Variants in WWOX observed in about 807,000 individuals in gnomAD.
WWOX encodes the protein WW domain-containing oxidoreductase.
Under a neutral mutation model 46.2 loss-of-function variants are expected in WWOX, and 69 were observed. The ratio of observed to expected loss-of-function variants is 1.49; its 90% confidence interval spans 1.23 to 1.82. The LOEUF (loss-of-function observed/expected upper bound fraction) is 1.82. Among genes scored for constraint, WWOX ranks in the 40% most tolerant of loss-of-function variants. WWOX has a pLI of 0.00. For synonymous variants in WWOX, 359 were observed against 202.6 expected, an observed-to-expected ratio of 1.77 and a Z score of -6.56; for missense variants, 919 against 542.6, an observed-to-expected ratio of 1.69 and a Z score of -6.89.
chr16:78,148,900 A>G, intron 4 of WWOX, among the ~76,000 whole-genome samples: 1 of 139,300 alleles, frequency 7.2e-6, no homozygotes, highest in Non-Finnish European at 1.5e-5. Context: ...TCCGTCTCAA[A>G]AAAAAAAAAA....
intron 8 of WWOX, among the ~76,000 whole-genome samples, chr16:78,565,030 G>A (rs1225728856): frequency 6.6e-6 from 1 of 152,162 alleles, no homozygotes; most frequent in East Asian, 1.9e-4. Flanking sequence ...CGAGAGAAGA[G>A]TACAAGCAGG....
chr16:78,381,097 C>A (rs1472799917), intron 5 of WWOX, among the ~76,000 whole-genome samples: 2 of 152,186 alleles, frequency 1.3e-5, no homozygotes, highest in African/African-American at 4.8e-5. Context: ...AGTTCCAGGG[C>A]AGCCTGGCTC....
intron 8 of WWOX, among the ~76,000 whole-genome samples, chr16:78,497,990 C>T (rs1054670176): frequency 3.9e-5 from 6 of 151,900 alleles, no homozygotes; most frequent in African/African-American, 7.2e-5. Flanking sequence ...ATCACAAGAT[C>T]GGGAGATCGA....
chr16:78,995,316 A>T (rs186249856), intron 8 of WWOX, among the ~76,000 whole-genome samples: 14 of 152,040 alleles, frequency 9.2e-5, no homozygotes, highest in African/African-American at 3.1e-4. Context: ...CCCTTGCCCA[A>T]TTCCCTCCCC....
intron 8 of WWOX, chr16:79,203,116 C>G (rs976950107): frequency 6.6e-5 from 10 of 152,232 alleles, no homozygotes; most frequent in African/African-American, 2.2e-4. Context: ...TAGCAACACG[C>G]TGCTGGTGAA....
At chr16:79,187,397 G>C (rs1005757822) in intron 8 of WWOX, among the ~76,000 whole-genome samples, 2 of 152,088 alleles carry the variant, frequency 1.3e-5, no homozygotes, top group Non-Finnish European at 2.9e-5. Flanking sequence ...CCTTTCACTT[G>C]CTTTTGTTCT....
chr16:78,695,110 C>T (rs1465702857), intron 8 of WWOX, among the ~76,000 whole-genome samples: 4 of 152,128 alleles, frequency 2.6e-5, no homozygotes, highest in Middle Eastern at 3.4e-3. Flanking sequence ...TGTTACTACT[C>T]GTGGGATTAC....
intron 8 of WWOX, among the ~76,000 whole-genome samples, chr16:78,834,899 C>A (rs549273792): frequency 6.6e-6 from 1 of 152,150 alleles, no homozygotes; most frequent in African/African-American, 2.4e-5. Flanking sequence ...AATAATCATG[C>A]GTACCACCTT....
At chr16:78,871,066 C>G (rs996265440) in intron 8 of WWOX, among the ~76,000 whole-genome samples, 3 of 152,104 alleles carry the variant, frequency 2.0e-5, no homozygotes, top group Admixed American at 1.3e-4. Flanking sequence ...TTTAAATTAT[C>G]CCCTATAGCT....
At chr16:79,193,628 C>A (rs1346341645) in intron 8 of WWOX, among the ~76,000 whole-genome samples, 1 of 152,162 alleles carries the variant, frequency 6.6e-6, no homozygotes, top group Non-Finnish European at 1.5e-5. Flanking sequence ...AAAAATATTG[C>A]AAATTGACCC....
chr16:78,729,435 A>G (rs976925657), intron 8 of WWOX, among the ~76,000 whole-genome samples: 1 of 152,140 alleles, frequency 6.6e-6, no homozygotes, highest in Non-Finnish European at 1.5e-5. Context: ...ACTTGGAAAA[A>G]GTGCCTTTGT....
At chr16:78,791,268 C>G (rs1023550572) in intron 8 of WWOX, among the ~76,000 whole-genome samples, 1 of 152,060 alleles carries the variant, frequency 6.6e-6, no homozygotes, top group Non-Finnish European at 1.5e-5. Flanking sequence ...TCCGATCCAC[C>G]AGGCACTCGG....
chr16:78,969,244 G>A lies in WWOX; in HGVS notation c.1057-242364G>A, dbSNP rs141960194. ...AAGTCAAGAAAATAACACTAGGATT[G>A]CCACCCTGCTCTCTCTCTCTCTCTC... On this transcript the variant is annotated intron_variant, in intron 8 of 8. Coordinates refer to ENST00000566780, the MANE Select transcript of WWOX (RefSeq NM_016373.4). 2.0e-4 allele frequency among the ~76,000 whole-genome samples: 30 copies of A among 150,222 alleles called. No homozygotes were observed. In the East Asian group the frequency reaches 5.3e-3, roughly 27 times the overall value.
intron 8 of WWOX, among the ~76,000 whole-genome samples, chr16:78,767,061 C>A (rs952827128): frequency 6.9e-6 from 1 of 144,006 alleles, no homozygotes; most frequent in Non-Finnish European, 1.5e-5. Context: ...CCTCTCCTTC[C>A]CTCCCTCCCT....
intron 8 of WWOX, among the ~76,000 whole-genome samples, chr16:79,185,779 G>A (rs1343005385): frequency 6.6e-6 from 1 of 152,180 alleles, no homozygotes; most frequent in East Asian, 1.9e-4. Flanking sequence ...ATAAACGAGA[G>A]GGTGTGGTTC....
intron 5 of WWOX, among the ~76,000 whole-genome samples, chr16:78,325,936 T>C (rs1356554462): frequency 6.6e-6 from 1 of 152,270 alleles, no homozygotes; most frequent in East Asian, 1.9e-4. Flanking sequence ...ATCCTGTGCC[T>C]GGTGCTCAGC....
chr16:78,566,514 C>G (rs2044572244), intron 8 of WWOX, among the ~76,000 whole-genome samples: 1 of 152,124 alleles, frequency 6.6e-6, no homozygotes, highest in African/African-American at 2.4e-5. Flanking sequence ...TGTGAGGCAT[C>G]CATGTGAGGC....
chr16:79,168,156 C>T (rs989688354), intron 8 of WWOX, among the ~76,000 whole-genome samples: 3 of 152,128 alleles, frequency 2.0e-5, no homozygotes, highest in Non-Finnish European at 4.4e-5. Flanking sequence ...GTTGTTTCCG[C>T]CTTCTAGGTA....
intron 8 of WWOX, among the ~76,000 whole-genome samples, chr16:78,829,201 C>G (rs553279785): frequency 6.6e-6 from 1 of 152,018 alleles, no homozygotes; most frequent in Non-Finnish European, 1.5e-5. Context: ...TAGGAACTGG[C>G]GAATTGGCTC....
Sources: gnomAD v4.1 joint callset for allele counts (sites outside exome capture counted in the v4.1 genomes callset) on GRCh38, gnomAD v4.1.1 for gene constraint, MANE v1.5 for transcripts, NCBI Gene and HGNC (gene_info 2026-07-23, HGNC 2026-07-21) for gene names.